The following ZNF28 variants were observed in gnomAD, a reference collection of about 807,000 sequenced individuals.
ZNF28 encodes zinc finger protein 28.
In ZNF28, 5 loss-of-function variants were observed where a neutral mutation model predicts 7.2. That is an observed-to-expected ratio of 0.70 (90% CI 0.36 to 1.46). The LOEUF is 1.46. ZNF28 is among the 40% of genes most tolerant of loss of function. The pLI, the probability that ZNF28 is intolerant of heterozygous loss-of-function variation, is 0.03. For missense variants in ZNF28, 879 were observed against 866.6 expected (o/e 1.01, Z -0.18); for synonymous variants, 288 against 292.4 (o/e 0.99, Z 0.15).
intron 2 of ZNF28, chr19:52,810,858 T>TCCC (rs538037515): frequency 2.2e-5 from 1 of 45,062 alleles, no homozygotes; most frequent in African/African-American, 2.4e-4. Context: ...CCTCTCCCTC[T>TCCC]CCCCCTCCCC....
In ZNF28 at chr19:52,812,762, T is replaced by TAAAA. The variant is rs56944474; in HGVS notation, c.16-4633_16-4630dup. Among the ~76,000 whole-genome samples, 485 of 75,286 alleles carry TAAAA rather than the reference T, an allele frequency of 6.4e-3. 10 individuals carry two copies. Among genetic ancestry groups the TAAAA allele is most frequent in the African/African-American group, 0.017 (403 of 23,376 alleles). 49.4% of individuals were successfully genotyped at this position (75,286 alleles called of 152,430 possible). A position where few individuals can be genotyped will look rare whatever the true frequency, so the allele number is the denominator to read the frequency against. ...GCGAGAAACACCCAAGAATGATCAA[T>TAAAA]AAAAAAAAAAAAAAAAAAAAAAAAA... On this transcript the variant is annotated intron_variant, in intron 2 of 3. Transcript: ENST00000457749.
At chr19:52,819,701 C>T (rs73592049) in intron 1 of ZNF28, among the ~76,000 whole-genome samples, 1,999 of 140,498 alleles carry the variant, frequency 0.014, 233 homozygotes, top group African/African-American at 0.042. Context: ...ATGGGATGGA[C>T]TGGTCTTATC....
chr19:52,799,421 A>T lies in ZNF28; in HGVS notation c.*267T>A. On this transcript the variant is annotated 3_prime_UTR_variant, in exon 4 of 4. Coordinates refer to ENST00000457749, the MANE Select transcript of ZNF28 (RefSeq NM_006969.5). ...TTGATTTGCAACCGAAAACTTTGTC[A>T]CATTCTTCCTATTTGTAAAGTTTCT... 2 of 707,596 alleles carry T rather than the reference A, an allele frequency of 2.8e-6. No individual in the cohort carries two copies. The highest frequency in any genetic ancestry group is 4.8e-6 in the Non-Finnish European group (2 of 414,912). 43.8% of individuals were successfully genotyped at this position (707,596 alleles called of 1,614,324 possible).
chr19:52,811,424 C>T (rs1226133751), intron 2 of ZNF28, among the ~76,000 whole-genome samples: 4 of 146,328 alleles, frequency 2.7e-5, no homozygotes, highest in African/African-American at 1.1e-4. Flanking sequence ...TCTGCCCGGC[C>T]GCCATCCCAT....
At chr19:52,813,044 A>G (rs1281653172) in intron 2 of ZNF28, among the ~76,000 whole-genome samples, 2 of 151,868 alleles carry the variant, frequency 1.3e-5, no homozygotes, top group Non-Finnish European at 2.9e-5. Context: ...GTGAAAAGAG[A>G]ACAATGCAAC....
At chr19:52,814,605 A>G (rs1037082313) in intron 2 of ZNF28, among the ~76,000 whole-genome samples, 2 of 145,384 alleles carry the variant, frequency 1.4e-5, no homozygotes, top group East Asian at 2.0e-4. Context: ...GAAAAAAAAA[A>G]GCTGGGCGAG....
intron 2 of ZNF28, chr19:52,814,152 A>T (rs2063092161): frequency 6.8e-6 from 1 of 146,820 alleles, no homozygotes; most frequent in African/African-American, 2.6e-5. Context: ...ACGGCTCCCC[A>T]GGGAGGCTGG....
intron 2 of ZNF28, chr19:52,810,029 G>A (rs2062997093): frequency 4.0e-6 from 3 of 743,278 alleles, no homozygotes; most frequent in Non-Finnish European, 7.3e-6. Context: ...AGCCCGAAGA[G>A]GAGCCGCTCC....
At chr19:52,809,158 T>C (rs1239105004) in intron 2 of ZNF28, among the ~76,000 whole-genome samples, 1 of 152,204 alleles carries the variant, frequency 6.6e-6, no homozygotes, top group Non-Finnish European at 1.5e-5. Context: ...GGGGGAATCT[T>C]GTCAGATCTA....
intron 2 of ZNF28, among the ~76,000 whole-genome samples, chr19:52,812,016 G>A (rs2063053889): frequency 2.4e-5 from 1 of 42,360 alleles, no homozygotes; most frequent in Admixed American, 1.7e-4. Context: ...GAGGGAGGTG[G>A]GGGGGACAGC....
chr19:52,811,732 CCGG>C (rs2063045331), intron 2 of ZNF28, among the ~76,000 whole-genome samples: 1 of 150,042 alleles, frequency 6.7e-6, no homozygotes, highest in African/African-American at 2.5e-5. Context: ...GCGTCTCCGC[CCGG>C]CAGCCGCCCC....
intron 2 of ZNF28, chr19:52,809,819 C>A (rs1381709072): frequency 3.8e-6 from 2 of 524,982 alleles, no homozygotes; most frequent in Non-Finnish European, 6.7e-6. Flanking sequence ...GTCTGAGCGG[C>A]GAAGGCGGCG....
chr19:52,812,204 G>A lies in ZNF28; in HGVS notation c.16-4071C>T, dbSNP rs1247561344. Among the ~76,000 whole-genome samples, 9 of 132,400 alleles carry A rather than the reference G, an allele frequency of 6.8e-5. 1 individual carries two copies. Among genetic ancestry groups the A allele is most frequent in the Non-Finnish European group, 9.2e-5 (6 of 65,372 alleles). The allele number at this position is 132,400 out of a possible 152,430, so 86.9% of individuals were successfully genotyped here. The stretch of plus-strand genomic sequence containing the variant: ...TGGGAGGTGAGGGGCGCTTCTGCCC[G>A]GCCGCCCCTACTGGGAAGTGAGGAG... On this transcript the variant is annotated intron_variant, in intron 2 of 3. Transcript: ENST00000457749.
chr19:52,818,148 A>G, intron 1 of ZNF28, 117 bp from the exon 2 acceptor site: 1 of 1,106,622 alleles, frequency 9.0e-7, no homozygotes, highest in Non-Finnish European at 1.2e-6. Context: ...TATGCTGCCT[A>G]CCGCACCACG....
intron 3 of ZNF28, among the ~76,000 whole-genome samples, chr19:52,807,513 G>T (rs572678987): frequency 6.6e-6 from 1 of 152,136 alleles, no homozygotes; most frequent in Non-Finnish European, 1.5e-5. Context: ...TTGCTCTGTC[G>T]TCCGGGCTGG....
In ZNF28 at chr19:52,808,070, G is replaced by T. The variant is rs775837483; in HGVS notation, c.79C>A (p.Pro27Thr). Residue 27 changes from proline to threonine, a missense_variant, in exon 3 of 4, where the codon CCT becomes ACT. By Grantham distance (38) the Pro-to-Thr change is conservative. Around this residue, in one of 2 missense-constraint regions of ZNF28, gnomAD observed 864 missense variants for 830.2 expected, o/e 1.04. Coordinates refer to ENST00000457749, the MANE Select transcript of ZNF28 (RefSeq NM_006969.5). The part of the protein sequence containing the change: ...FSQEEWKCLD[P>T]AQRTLYRDVM... ...TCCCTGTAAAGAGTCCTCTGAGCAGGGTCCAGGCATTTCCACTCCTCCTGA... is the reference window on the plus strand; with the variant it reads ...TCCCTGTAAAGAGTCCTCTGAGCAGTGTCCAGGCATTTCCACTCCTCCTGA... The T allele has an allele frequency of 5.0e-6, 8 of 1,613,514 alleles. No homozygotes were observed. The Admixed American group carries it at 1.3e-4, about 27-fold the overall frequency.
chr19:52,808,337 G>GAA (rs1409924306), intron 2 of ZNF28, among the ~76,000 whole-genome samples: 1 of 152,056 alleles, frequency 6.6e-6, no homozygotes, highest in Non-Finnish European at 1.5e-5. Flanking sequence ...CTAAGTTTGT[G>GAA]AAAAATTCAA....
intron 2 of ZNF28, among the ~76,000 whole-genome samples, chr19:52,808,408 C>T (rs2062965242): frequency 6.6e-6 from 1 of 152,116 alleles, no homozygotes. Context: ...CTTTTATAGA[C>T]ACACCAAGTG....
intron 3 of ZNF28, chr19:52,806,026 C>A (rs954837232): frequency 2.6e-4 from 40 of 152,188 alleles, no homozygotes; most frequent in African/African-American, 9.6e-4. Flanking sequence ...GATACAGAAA[C>A]TGGCATATGT....
Sources: gnomAD v4.1 joint callset for allele counts (sites outside exome capture counted in the v4.1 genomes callset) on GRCh38, gnomAD v4.1.1 for gene constraint, gnomAD v4.1.1 regional missense constraint, MANE v1.5 for transcripts, NCBI Gene and HGNC (gene_info 2026-07-23, HGNC 2026-07-21) for gene names.